The following WDR44 variants were observed in gnomAD, a reference collection of about 807,000 sequenced individuals.
The protein encoded by WDR44 is WD repeat domain 44.
WDR44 carries 9 observed loss-of-function variants against 65.7 expected under a neutral mutation model. The observed-to-expected ratio is 0.14, with a 90% confidence interval of 0.08 to 0.24. The LOEUF (loss-of-function observed/expected upper bound fraction) is 0.24. Ranked by LOEUF, WDR44 falls within the 10% of genes least tolerant of loss-of-function variation. The pLI is 1.00. For synonymous variants in WDR44, 220 were observed against 235.2 expected (o/e 0.94, Z 0.59); for missense variants, 425 against 670.9 (o/e 0.63, Z 4.05).
rs771699151 is a variant in WDR44 at position 118,443,216 on chromosome X, T to C, written c.2385-344T>C. Among the ~76,000 whole-genome samples, 13 of 112,312 alleles carry C rather than the reference T, an allele frequency of 1.2e-4. No individual in the cohort carries two copies. In the South Asian group the frequency reaches 4.4e-3, roughly 38 times the overall value. On this transcript the variant is annotated intron_variant, in intron 17 of 19. Transcript: ENST00000254029. ...CCTTTTCTTCTTTCTAGCCCTCTTCTTTTGCCGTTTTCTTACCAGTTCTTT... is the reference window on the plus strand; with the variant it reads ...CCTTTTCTTCTTTCTAGCCCTCTTCCTTTGCCGTTTTCTTACCAGTTCTTT...
chrX:118,443,385 C>T (rs1322354691), intron 17 of WDR44, among the ~76,000 whole-genome samples, 175 bp from the exon 18 acceptor site: 1 of 111,963 alleles, frequency 8.9e-6, no homozygotes, highest in Non-Finnish European at 1.9e-5. Flanking sequence ...TGCCAGGCCA[C>T]TACATCACAC....
At chrX:118,446,035 GAA>G (rs71931551) in intron 19 of WDR44, among the ~76,000 whole-genome samples, 1,397 of 65,343 alleles carry the variant, frequency 0.021, 30 homozygotes, top group African/African-American at 0.061. Context: ...TCTCAAAAAA[GAA>G]AAAAAAAAAA....
chrX:118,420,278 G>A (rs113131944), intron 12 of WDR44, among the ~76,000 whole-genome samples: 4,419 of 110,578 alleles, frequency 0.04, 215 homozygotes, highest in African/African-American at 0.14. Context: ...TTGAGACAGA[G>A]TCTCGCTCTG....
At chrX:118,431,554 C>T (rs1002603087) in intron 12 of WDR44, among the ~76,000 whole-genome samples, 15 of 111,532 alleles carry the variant, frequency 1.3e-4, no homozygotes, top group Non-Finnish European at 2.8e-4. Context: ...CTGCCTGTCT[C>T]GGCCTCCCAA....
rs774569935 is a variant in WDR44, at chrX:118,393,155, C to T, written c.710C>T (p.Pro237Leu). The change falls in exon 4 of 20, where the codon CCT becomes CTT. Residue 237 changes from proline (P) to leucine (L), a missense_variant. By Grantham distance (98) the Pro-to-Leu change is moderately conservative. Coordinates refer to ENST00000254029, the MANE Select transcript of WDR44 (RefSeq NM_019045.5). ...STKKPVPARP[P>L]PPTNFPPPRP... ...AAGAAGCCTGTTCCAGCACGCCCAC[C>T]TCCTCCAACTAATTTCCCACCTCCT... 66 of 1,210,041 alleles carry T rather than the reference C, an allele frequency of 5.5e-5. No homozygotes were observed. The highest frequency in any genetic ancestry group is 7.1e-5 in the Non-Finnish European group (64 of 895,243).
At chrX:118,364,680 G>A (rs1403693840) in intron 1 of WDR44, among the ~76,000 whole-genome samples, 3 of 111,962 alleles carry the variant, frequency 2.7e-5, no homozygotes, top group Non-Finnish European at 5.6e-5. Flanking sequence ...TGGAAACTGA[G>A]GTTTAAAGAG....
At position 118,432,815 on chromosome X, in the gene WDR44, A is replaced by G; in HGVS notation, c.1772A>G (p.Lys591Arg). 1.7e-6 allele frequency: 2 copies of G among 1,211,796 alleles called. No homozygotes were observed. Among genetic ancestry groups the G allele is most frequent in the Non-Finnish European group, 2.2e-6 (2 of 895,277 alleles). ...GGAACTGATGAAGACCCTGATGATA[A>G]AAACGCACCCTTTCGGCAACGGCCA... Reference protein sequence around the residue: ...CSGTDEDPDDKNAPFRQRPFC... With the variant: ...CSGTDEDPDDRNAPFRQRPFC... The change falls in exon 13 of 20, where the codon AAA (lysine) becomes AGA (arginine). Residue 591 changes from lysine to arginine, a missense_variant. This residue lies in a region of WDR44 where 45 missense variants were observed against 50.0 expected (regional missense o/e 0.90). Coordinates refer to ENST00000254029, the MANE Select transcript of WDR44 (RefSeq NM_019045.5).
At chrX:118,353,297 G>A (rs868445811) in intron 1 of WDR44, among the ~76,000 whole-genome samples, 69 of 111,723 alleles carry the variant, frequency 6.2e-4, no homozygotes, top group African/African-American at 2.1e-3. Flanking sequence ...GACATAATGT[G>A]GGCCTCATAC....
At chrX:118,425,255 T>G (rs376592507) in intron 12 of WDR44, among the ~76,000 whole-genome samples, 6 of 112,197 alleles carry the variant, frequency 5.3e-5, no homozygotes, top group African/African-American at 1.9e-4. Context: ...TGGCTTTTGC[T>G]CTGAGTAAGA....
At chrX:118,440,518 C>G (rs2057295642) in intron 14 of WDR44, among the ~76,000 whole-genome samples, 1 of 111,388 alleles carries the variant, frequency 9.0e-6, no homozygotes, top group African/African-American at 3.3e-5. Context: ...TGATGTTACT[C>G]TTTATCCAAG....
intron 1 of WDR44, among the ~76,000 whole-genome samples, chrX:118,356,968 G>A (rs2056466290): frequency 9.4e-6 from 1 of 106,292 alleles, no homozygotes; most frequent in Admixed American, 1.0e-4. Context: ...CTCAGCCTCC[G>A]GAGTAGCTGG....
intron 1 of WDR44, among the ~76,000 whole-genome samples, chrX:118,368,483 T>TATATATATATATATA (rs1569359132): frequency 3.4e-5 from 3 of 87,657 alleles, no homozygotes; most frequent in African/African-American, 1.5e-4. Flanking sequence ...ATATATATAC[T>TATATATATATATATA]TCTTGAGGAC....
At chrX:118,424,223 C>T (rs972845257) in intron 12 of WDR44, among the ~76,000 whole-genome samples, 2 of 102,570 alleles carry the variant, frequency 1.9e-5, no homozygotes, top group Non-Finnish European at 3.9e-5. Flanking sequence ...ATCGACTGTA[C>T]AGGGTTCCAT....
At chrX:118,380,711 G>T in intron 2 of WDR44, among the ~76,000 whole-genome samples, 1 of 111,927 alleles carries the variant, frequency 8.9e-6, no homozygotes, top group East Asian at 2.8e-4. Flanking sequence ...GTATACAAAA[G>T]GGCAATTTAT....
intron 1 of WDR44, among the ~76,000 whole-genome samples, chrX:118,360,835 T>G (rs1447923658): frequency 8.9e-6 from 1 of 112,059 alleles, no homozygotes; most frequent in Non-Finnish European, 1.9e-5. Context: ...GTGAACCTTT[T>G]GTAGTCACTT....
rs144478954 is a variant in WDR44 at position 118,380,602 on chromosome X, A to G, written c.111+2150A>G. The stretch of plus-strand genomic sequence containing the variant: ...AACATGTACTGAGGCTATTGAGTGC[A>G]TATTATGAATAACAGTATATCTATT... On this transcript the variant is annotated intron_variant, in intron 2 of 19. Coordinates refer to ENST00000254029, the MANE Select transcript of WDR44 (RefSeq NM_019045.5). Among the ~76,000 whole-genome samples, 516 of 112,128 alleles carry G rather than the reference A, an allele frequency of 4.6e-3. 1 individual carries two copies. The highest frequency in any genetic ancestry group is 6.8e-3 in the Non-Finnish European group (365 of 53,287).
chrX:118,367,850 A>AT (rs756374282), intron 1 of WDR44, among the ~76,000 whole-genome samples: 1,613 of 111,696 alleles, frequency 0.014, 20 homozygotes, highest in Non-Finnish European at 0.022. Flanking sequence ...CTTCTGACTG[A>AT]TTTTTTTAAA....
At chrX:118,356,081 A>G (rs5956043) in intron 1 of WDR44, among the ~76,000 whole-genome samples, 17,744 of 111,807 alleles carry the variant, frequency 0.16, 2,501 homozygotes, top group African/African-American at 0.44. Flanking sequence ...GCAAAGAACG[A>G]TAACACCATA....
At chrX:118,400,906 G>A (rs1361776110) in intron 8 of WDR44, among the ~76,000 whole-genome samples, 1 of 96,739 alleles carries the variant, frequency 1.0e-5, no homozygotes, top group African/African-American at 3.9e-5. Flanking sequence ...ACCTATGAGT[G>A]AGAATATGTG....
Sources: allele counts gnomAD v4.1 joint callset (sites outside exome capture counted in the v4.1 genomes callset), GRCh38; gene constraint gnomAD v4.1.1; regional missense constraint gnomAD v4.1.1; transcripts MANE v1.5; gene names NCBI Gene and HGNC (gene_info 2026-07-23, HGNC 2026-07-21).